The following PTGER3 variants were observed in gnomAD, a reference collection of about 807,000 sequenced individuals.
PTGER3 encodes the protein prostaglandin E2 receptor EP3 subtype.
In PTGER3, 22 loss-of-function variants were observed where a neutral mutation model predicts 34.7. The ratio of observed to expected loss-of-function variants is 0.63; its 90% CI spans 0.45 to 0.91. The LOEUF (loss-of-function observed/expected upper bound fraction) is 0.91. Among genes scored for constraint, PTGER3 ranks in the 40% least tolerant of loss-of-function variants. The pLI, the probability that PTGER3 is intolerant of heterozygous loss-of-function variation, is 0.00. For synonymous variants in PTGER3, 241 were observed against 230.1 expected (o/e 1.05, Z -0.43); for missense variants, 468 against 519.4 (o/e 0.90, Z 0.96).
chr1:70,919,944 C>T lies in PTGER3; in HGVS notation c.*23+33819G>A, dbSNP rs183735288. The stretch of plus-strand genomic sequence containing the variant: ...ACATCTTACCAAAAGTATTGAGTTC[C>T]GCTAGCCTAAGGTAAGATATCTTGC... On this transcript the variant is annotated intron_variant, in intron 4 of 4. Transcript: ENST00000370931. 6.6e-5 allele frequency among the ~76,000 whole-genome samples: 10 copies of T among 152,182 alleles called. No homozygotes were observed. The East Asian group carries it at 9.6e-4, about 15-fold the overall frequency.
intron 2 of PTGER3, among the ~76,000 whole-genome samples, chr1:70,954,725 T>C (rs1651135576): frequency 1.3e-5 from 2 of 152,234 alleles, no homozygotes; most frequent in African/African-American, 4.8e-5. Flanking sequence ...ATAGGGTCTC[T>C]TGATGGCATT....
chr1:70,960,037 C>T (rs1276405191), intron 2 of PTGER3, among the ~76,000 whole-genome samples: 1 of 152,030 alleles, frequency 6.6e-6, no homozygotes, highest in East Asian at 1.9e-4. Flanking sequence ...CTATGTGAAC[C>T]TAAAGGCATA....
intron 2 of PTGER3, among the ~76,000 whole-genome samples, chr1:70,981,365 TTC>T (rs769112288): frequency 1.7e-5 from 2 of 117,420 alleles, no homozygotes; most frequent in East Asian, 2.7e-4. Context: ...CTTTCTTTCT[TTC>T]TTTCTTTCTT....
intron 2 of PTGER3, among the ~76,000 whole-genome samples, chr1:70,956,631 G>C (rs1441797500): frequency 6.6e-6 from 1 of 152,170 alleles, no homozygotes; most frequent in Non-Finnish European, 1.5e-5. Flanking sequence ...AAAGCACCAA[G>C]ATGAATTGGT....
chr1:70,865,540 T>G, intron 4 of PTGER3: 1 of 1,046,004 alleles, frequency 9.6e-7, no homozygotes, highest in Non-Finnish European at 1.3e-6. Context: ...CTCTTCAGGG[T>G]TCTTGACTTA....
At chr1:71,038,166 C>T (rs1440735388) in intron 1 of PTGER3, among the ~76,000 whole-genome samples, 2 of 152,104 alleles carry the variant, frequency 1.3e-5, no homozygotes, top group Non-Finnish European at 2.9e-5. Flanking sequence ...TTATGAATCA[C>T]AACAGCAGCA....
At chr1:70,961,418 C>T (rs1348411673) in intron 2 of PTGER3, among the ~76,000 whole-genome samples, 1 of 152,142 alleles carries the variant, frequency 6.6e-6, no homozygotes, top group Non-Finnish European at 1.5e-5. Context: ...TTTCCTGATC[C>T]CATTGGCTGA....
intron 4 of PTGER3, among the ~76,000 whole-genome samples, chr1:70,894,690 GT>G (rs1190431819): frequency 6.6e-6 from 1 of 152,154 alleles, no homozygotes; most frequent in East Asian, 1.9e-4. Context: ...AGTATATTTA[GT>G]TTACTGTTTG....
At chr1:71,026,174 C>A (rs1204499439) in intron 1 of PTGER3, among the ~76,000 whole-genome samples, 1 of 152,096 alleles carries the variant, frequency 6.6e-6, no homozygotes, top group Non-Finnish European at 1.5e-5. Context: ...CAAAACACAC[C>A]CCTGGCTAAA....
intron 1 of PTGER3, among the ~76,000 whole-genome samples, chr1:71,046,151 G>A (rs1435188804): frequency 6.6e-6 from 1 of 151,508 alleles, no homozygotes; most frequent in African/African-American, 2.4e-5. Context: ...CGGGCGTGGT[G>A]GCGGGCGCCT....
intron 1 of PTGER3, among the ~76,000 whole-genome samples, chr1:71,045,622 C>T (rs571376649): frequency 6.6e-6 from 1 of 152,264 alleles, no homozygotes; most frequent in Non-Finnish European, 1.5e-5. Flanking sequence ...AGGTGTTAGG[C>T]AAAGAGCCTC....
chr1:70,895,596 G>C (rs1044598353), intron 4 of PTGER3, among the ~76,000 whole-genome samples: 2 of 152,160 alleles, frequency 1.3e-5, no homozygotes, highest in African/African-American at 4.8e-5. Context: ...AAATAAAGAT[G>C]CTTTAGAATG....
intron 4 of PTGER3, among the ~76,000 whole-genome samples, chr1:70,875,741 A>G (rs534775538): frequency 6.6e-6 from 1 of 152,158 alleles, no homozygotes; most frequent in Admixed American, 6.6e-5. Flanking sequence ...CTTTTTCTGC[A>G]TTAGTTTGCT....
chr1:70,932,708 A>C (rs1648829790), intron 4 of PTGER3, among the ~76,000 whole-genome samples: 1 of 152,136 alleles, frequency 6.6e-6, no homozygotes, highest in Admixed American at 6.5e-5. Flanking sequence ...CCCTCCCACA[A>C]CACGTGGGAA....
intron 2 of PTGER3, among the ~76,000 whole-genome samples, chr1:70,955,173 A>G (rs1651190939): frequency 6.6e-6 from 1 of 152,148 alleles, no homozygotes; most frequent in Non-Finnish European, 1.5e-5. Context: ...TAATAACACC[A>G]CATAAATCTA....
chr1:70,968,967 G>A (rs925817611), downstream of PTGER3, among the ~76,000 whole-genome samples: 1 of 152,064 alleles, frequency 6.6e-6, no homozygotes, highest in African/African-American at 2.4e-5. Context: ...AGCACTTTGG[G>A]GGGTTGAGGC....
At chr1:70,927,132 C>A (rs539116984) in intron 4 of PTGER3, among the ~76,000 whole-genome samples, 1 of 152,226 alleles carries the variant, frequency 6.6e-6, no homozygotes, top group African/African-American at 2.4e-5. Context: ...GGATATTGGT[C>A]TAAAATTCTC....
intron 2 of PTGER3, among the ~76,000 whole-genome samples, chr1:70,983,449 T>C (rs547339025): frequency 2.3e-4 from 35 of 152,214 alleles, no homozygotes; most frequent in Admixed American, 7.9e-4. Flanking sequence ...GCCTCTCCTA[T>C]AGTATGAACT....
intron 4 of PTGER3, among the ~76,000 whole-genome samples, chr1:70,917,133 CCTGT>C (rs1421253676): frequency 4.6e-5 from 7 of 152,006 alleles, no homozygotes; most frequent in African/African-American, 7.2e-5. Flanking sequence ...ACTTATTCTT[CCTGT>C]CTAATTGTAA....
Sources: allele counts gnomAD v4.1 joint callset (sites outside exome capture counted in the v4.1 genomes callset), GRCh38; gene constraint gnomAD v4.1.1; transcripts MANE v1.5; gene names NCBI Gene and HGNC (gene_info 2026-07-23, HGNC 2026-07-21).